Variants in SMYD3 observed in about 807,000 individuals in gnomAD.
SMYD3 encodes the protein SET and MYND domain containing 3, also known as histone-lysine N-methyltransferase SMYD3.
Under a neutral mutation model 57.7 loss-of-function variants are expected in SMYD3, and 36 were observed. That is an observed-to-expected ratio of 0.62 (90% CI 0.48 to 0.82). SMYD3 has a LOEUF of 0.82. SMYD3 is among the 40% of genes least tolerant of loss of function. The pLI is 0.00. For synonymous variants in SMYD3, 211 were observed against 195.0 expected (o/e 1.08, Z -0.68); for missense variants, 515 against 538.8 (o/e 0.96, Z 0.44).
At chr1:245,871,320 A>C (rs34466548) in intron 8 of SMYD3, among the ~76,000 whole-genome samples, 47,197 of 152,082 alleles carry the variant, frequency 0.31, 8,810 homozygotes, top group East Asian at 0.81. Context: ...CTTTATGATT[A>C]AAAGGAGACA....
intron 10 of SMYD3, among the ~76,000 whole-genome samples, chr1:245,772,756 C>A (rs533710712): frequency 2.6e-5 from 4 of 152,102 alleles, no homozygotes; most frequent in East Asian, 1.9e-4. Context: ...TTATTAGAAT[C>A]TTTAATCAGA....
intron 5 of SMYD3, among the ~76,000 whole-genome samples, chr1:246,090,443 A>G (rs540021940): frequency 6.6e-6 from 1 of 152,096 alleles, no homozygotes; most frequent in South Asian, 2.1e-4. Context: ...TCCACCAAGA[A>G]CTGAAATTGG....
At chr1:246,194,488 C>T (rs991197049) in intron 5 of SMYD3, among the ~76,000 whole-genome samples, 6 of 152,028 alleles carry the variant, frequency 3.9e-5, no homozygotes, top group Non-Finnish European at 8.8e-5. Flanking sequence ...AGGCTGGTCT[C>T]GAACTCCCGA....
chr1:245,786,389 C>G (rs981987408), intron 10 of SMYD3, among the ~76,000 whole-genome samples: 1 of 152,000 alleles, frequency 6.6e-6, no homozygotes, highest in African/African-American at 2.4e-5. Flanking sequence ...TAAAACTGTA[C>G]AGTTTATCAT....
At position 246,202,109 on chromosome 1, in the gene SMYD3, T is replaced by C. The variant is rs760562789; in HGVS notation, c.531+125092A>G. Among the ~76,000 whole-genome samples, 5 of 152,134 alleles carry C rather than the reference T, an allele frequency of 3.3e-5. No individual in the cohort carries two copies. Among genetic ancestry groups the C allele is most frequent in the Non-Finnish European group, 7.4e-5 (5 of 68,022 alleles). ...ATGTACTGCAAAATAATAATTATTA[T>C]TTCTAGATGGTGAGCTAATGGGTGA... On this transcript the variant is annotated intron_variant, in intron 5 of 11. Transcript: ENST00000490107. The surrounding 1 kb of genome is among the most constrained non-coding windows in gnomAD (Gnocchi z 4.1).
At chr1:246,183,781 C>T (rs2062590611) in intron 5 of SMYD3, among the ~76,000 whole-genome samples, 1 of 152,118 alleles carries the variant, frequency 6.6e-6, no homozygotes, top group Admixed American at 6.5e-5. Flanking sequence ...GAAGCTTCTA[C>T]TATTTGGCTG....
intron 5 of SMYD3, among the ~76,000 whole-genome samples, chr1:246,199,340 T>C (rs185223677): frequency 1.3e-5 from 2 of 152,244 alleles, no homozygotes; most frequent in East Asian, 3.9e-4. Flanking sequence ...ACCTGATATT[T>C]CTCTTCTATG....
At chr1:246,015,902 G>T (rs995449584) in intron 5 of SMYD3, among the ~76,000 whole-genome samples, 1 of 150,478 alleles carries the variant, frequency 6.6e-6, no homozygotes, top group African/African-American at 2.4e-5. Flanking sequence ...TTCCAATTTT[G>T]GGGGGTGTAT....
At chr1:245,937,775 A>G (rs2057042738) in intron 5 of SMYD3, among the ~76,000 whole-genome samples, 1 of 152,208 alleles carries the variant, frequency 6.6e-6, no homozygotes, top group African/African-American at 2.4e-5. Flanking sequence ...CTTCAAAAAC[A>G]TTCTCTTCTA....
intron 5 of SMYD3, chr1:246,326,086 A>T (rs556067556): frequency 1.0e-5 from 3 of 294,192 alleles, no homozygotes; most frequent in Non-Finnish European, 1.9e-5. Flanking sequence ...CATTTGAGAA[A>T]AACTGGAATA....
Position 246,224,909 on chromosome 1 carries a change from G to A in SMYD3, c.531+102292C>T, listed in dbSNP as rs575344720. On this transcript the variant is annotated intron_variant, in intron 5 of 11. Transcript: ENST00000490107. ...GAAGCAGAAAAAGGAAGGTGGCAGA[G>A]GGAGCCGAGGAATCAAGAGTTCTGC... 7.7e-4 allele frequency among the ~76,000 whole-genome samples: 117 copies of A among 152,136 alleles called. 1 individual carries two copies. Among genetic ancestry groups the A allele is most frequent in the African/African-American group, 2.8e-3 (114 of 41,450 alleles).
intron 5 of SMYD3, among the ~76,000 whole-genome samples, chr1:246,211,001 C>T (rs2063077486): frequency 6.6e-6 from 1 of 152,138 alleles, no homozygotes; most frequent in African/African-American, 2.4e-5. Flanking sequence ...CAACAGCAAT[C>T]AATGCTGTAT....
chr1:245,842,859 C>T (rs2050473136), intron 10 of SMYD3, among the ~76,000 whole-genome samples: 1 of 151,996 alleles, frequency 6.6e-6, no homozygotes, highest in Non-Finnish European at 1.5e-5. Context: ...TAAAGGTGCA[C>T]CCTACCATGC....
chr1:246,105,973 T>A (rs1405576149), intron 5 of SMYD3, among the ~76,000 whole-genome samples: 1 of 152,244 alleles, frequency 6.6e-6, no homozygotes, highest in Non-Finnish European at 1.5e-5. Flanking sequence ...ATTAATTGAA[T>A]GAAATTGACA....
At chr1:245,806,829 G>A (rs1033419246) in intron 10 of SMYD3, among the ~76,000 whole-genome samples, 1 of 144,046 alleles carries the variant, frequency 6.9e-6, no homozygotes, top group African/African-American at 2.6e-5. Context: ...AGAATGGCGT[G>A]AACCCGGGAG....
intron 5 of SMYD3, among the ~76,000 whole-genome samples, chr1:246,201,020 G>A (rs2062915085): frequency 6.6e-6 from 1 of 152,080 alleles, no homozygotes; most frequent in Admixed American, 6.6e-5. Flanking sequence ...ATATTAACAA[G>A]GTTTTCTCAC....
intron 1 of SMYD3, among the ~76,000 whole-genome samples, chr1:246,474,515 C>T (rs2068002570): frequency 1.3e-5 from 1 of 79,940 alleles, no homozygotes; most frequent in South Asian, 4.9e-4. Context: ...CAAGACTCCC[C>T]TCTCAAAAAA....
At chr1:245,993,595 T>TAGAC (rs2058855153) in intron 5 of SMYD3, among the ~76,000 whole-genome samples, 1 of 23,504 alleles carries the variant, frequency 4.3e-5, no homozygotes, top group East Asian at 4.1e-4. Context: ...GATAGATAGA[T>TAGAC]AGATAGATAG....
At chr1:246,205,186 A>T (rs935186764) in intron 5 of SMYD3, among the ~76,000 whole-genome samples, 2 of 152,242 alleles carry the variant, frequency 1.3e-5, no homozygotes, top group Non-Finnish European at 2.9e-5. Flanking sequence ...ACGTAAGAAG[A>T]CAGAAACCTA....
Sources: allele counts gnomAD v4.1 joint callset (sites outside exome capture counted in the v4.1 genomes callset), GRCh38; gene constraint gnomAD v4.1.1; non-coding constraint Gnocchi (gnomAD v3.1); transcripts MANE v1.5; gene names NCBI Gene and HGNC (gene_info 2026-07-23, HGNC 2026-07-21).